The following ZNF556 variants were observed in gnomAD, a reference collection of about 807,000 sequenced individuals.
ZNF556 encodes the protein zinc finger protein 556.
ZNF556 carries 11 observed loss-of-function variants against 13.6 expected under a neutral mutation model. The ratio of observed to expected loss-of-function variants is 0.81; its 90% CI spans 0.51 to 1.33. The LOEUF is 1.33. ZNF556 is among the 40% of genes most tolerant of loss of function. ZNF556 has a pLI of 0.00. For synonymous variants in ZNF556, 229 were observed against 207.8 expected (o/e 1.10, Z -0.88); for missense variants, 633 against 566.2 (o/e 1.12, Z -1.20).
In ZNF556 at chr19:2,879,063, A is replaced by G. The variant is rs951118533; in HGVS notation, c.*734A>G. The G allele has an allele frequency of 2.9e-4, 44 of 152,264 alleles. No individual in the cohort carries two copies. The highest frequency in any genetic ancestry group is 1.1e-3 in the African/African-American group (44 of 41,550). 9.4% of individuals were successfully genotyped at this position (152,264 alleles called of 1,614,324 possible). On this transcript the variant is annotated 3_prime_UTR_variant, in exon 4 of 4. Transcript: ENST00000307635. ...TGGCCCTGTGTGTTCCAAGCTGGAT[A>G]TTACTACCATGTTACTTTTATTCCA...
chr19:2,867,712 CAAAAAACAAAACAA>C (rs2087767828), intron 1 of ZNF556, among the ~76,000 whole-genome samples: 1 of 85,554 alleles, frequency 1.2e-5, no homozygotes, highest in South Asian at 4.6e-4. Context: ...ACCCAAAGTA[CAAAAAACAAAACAA>C]AAAAAAAAAA....
At chr19:2,869,489 C>T (rs1343845394) in intron 1 of ZNF556, among the ~76,000 whole-genome samples, 1 of 152,164 alleles carries the variant, frequency 6.6e-6, no homozygotes, top group Non-Finnish European at 1.5e-5. Context: ...GCCTCAGCCT[C>T]CTGGGTAGCT....
rs753350725 is a variant in ZNF556 at position 2,878,359 on chromosome 19, A to T, written c.*30A>T. The T allele has an allele frequency of 6.3e-7, 1 of 1,596,796 alleles. No individual in the cohort carries two copies. Among genetic ancestry groups the T allele is most frequent in the South Asian group, 1.1e-5 (1 of 88,622 alleles). ...GGAAAACCTGTGCAAATTAATTCAC[A>T]TACATGGTTCAGAAAATTCACAGCA... On this transcript the variant is annotated 3_prime_UTR_variant, in exon 4 of 4. Coordinates refer to ENST00000307635, the MANE Select transcript of ZNF556 (RefSeq NM_024967.3).
intron 1 of ZNF556, among the ~76,000 whole-genome samples, chr19:2,867,655 G>A (rs944643115): frequency 6.9e-6 from 1 of 144,518 alleles, no homozygotes; most frequent in Non-Finnish European, 1.5e-5. Context: ...AGGCAGAAAT[G>A]ACTCCTGCCC....
Position 2,878,356 on chromosome 19 carries a change from C to A in ZNF556, c.*27C>A. ...GGGGGAAAACCTGTGCAAATTAATTCACATACATGGTTCAGAAAATTCACA... is the reference window on the plus strand; with the variant it reads ...GGGGGAAAACCTGTGCAAATTAATTAACATACATGGTTCAGAAAATTCACA... On this transcript the variant is annotated 3_prime_UTR_variant, in exon 4 of 4. Coordinates refer to ENST00000307635, the MANE Select transcript of ZNF556 (RefSeq NM_024967.3). 6.3e-7 allele frequency: 1 copy of A among 1,599,488 alleles called. No homozygotes were observed.
intron 2 of ZNF556, among the ~76,000 whole-genome samples, chr19:2,874,209 A>G (rs2087830230): frequency 6.6e-6 from 1 of 152,062 alleles, no homozygotes; most frequent in South Asian, 2.1e-4. Flanking sequence ...GTGAGCCAAG[A>G]TCATGCCACT....
intron 1 of ZNF556, among the ~76,000 whole-genome samples, chr19:2,868,160 C>G (rs2087773163): frequency 6.6e-6 from 1 of 150,752 alleles, no homozygotes; most frequent in Admixed American, 6.6e-5. Flanking sequence ...TTTCTCACAT[C>G]TGTTGTTTTA....
rs1238056406 is a variant in ZNF556, at chr19:2,867,712, C to A, written c.3+288C>A. ...TTGGAAGAAAAACTAACCCAAAGTA[C>A]AAAAAACAAAACAAAAAAAAAAAAA... On this transcript the variant is annotated intron_variant, in intron 1 of 3. Coordinates refer to ENST00000307635, the MANE Select transcript of ZNF556 (RefSeq NM_024967.3). Among the ~76,000 whole-genome samples, 10 of 85,558 alleles carry A rather than the reference C, an allele frequency of 1.2e-4. No homozygotes were observed. The highest frequency in any genetic ancestry group is 3.6e-4 in the Admixed American group (3 of 8,242). 56.1% of individuals were successfully genotyped at this position (85,558 alleles called of 152,430 possible). A position where few individuals can be genotyped will look rare whatever the true frequency, so the allele number is the denominator to read the frequency against.
intron 3 of ZNF556, among the ~76,000 whole-genome samples, chr19:2,876,522 C>T (rs2087854037): frequency 6.6e-6 from 1 of 152,058 alleles, no homozygotes; most frequent in Non-Finnish European, 1.5e-5. Flanking sequence ...GAGTTTGTGA[C>T]CAGCCTGACC....
rs1322050444 is a variant in ZNF556, at chr19:2,880,324, A to G, written c.*1995A>G. ...TGTTTTTAAAGAAGTTGGATTCTAT[A>G]CAAATGGATAAAATGTTTCTTAGAA... is the stretch of plus-strand genomic sequence containing the variant. On this transcript the variant is annotated 3_prime_UTR_variant, in exon 4 of 4. Transcript: ENST00000307635. The G allele has an allele frequency of 7.9e-5, 12 of 152,346 alleles. 2 individuals carry two copies. The South Asian group carries it at 2.1e-3, about 26-fold the overall frequency. The allele number at this position is 152,346 out of a possible 1,614,324, so 9.4% of individuals were successfully genotyped here. A position where few individuals can be genotyped will look rare whatever the true frequency, so the allele number is the denominator to read the frequency against.
intron 2 of ZNF556, chr19:2,874,995 TAGC>T (rs1411016313): frequency 6.3e-6 from 1 of 157,642 alleles, no homozygotes; most frequent in African/African-American, 2.4e-5. Flanking sequence ...CCAGTGGTCT[TAGC>T]AGGAAGATTG....
chr19:2,874,743 C>CAAAAA (rs1165214161), intron 2 of ZNF556, among the ~76,000 whole-genome samples: 12 of 65,472 alleles, frequency 1.8e-4, no homozygotes, highest in South Asian at 6.1e-4. Flanking sequence ...GACTCTGTCT[C>CAAAAA]AAAAAAAAAA....
At position 2,880,900 on chromosome 19, in the gene ZNF556, GCT is replaced by G. The variant is rs1280537211; in HGVS notation, c.*2574_*2575del. On this transcript the variant is annotated 3_prime_UTR_variant, in exon 4 of 4. Coordinates refer to ENST00000307635, the MANE Select transcript of ZNF556 (RefSeq NM_024967.3). ...TTTTTTTTTTTTGAGACAGATTCTC[GCT>G]CTGTTACCCAGGCTGGAGTGCAGTG... The G allele has an allele frequency of 7.5e-6, 1 of 133,648 alleles. No homozygotes were observed. Among genetic ancestry groups the G allele is most frequent in the Non-Finnish European group, 1.5e-5 (1 of 64,688 alleles). The allele number at this position is 133,648 out of a possible 1,614,324, so 8.3% of individuals were successfully genotyped here. A position where few individuals can be genotyped will look rare whatever the true frequency, so the allele number is the denominator to read the frequency against.
chr19:2,877,614 C>T lies in ZNF556; in HGVS notation c.656C>T (p.Thr219Ile). The T allele has an allele frequency of 6.2e-7, 1 of 1,614,212 alleles. No individual in the cohort carries two copies. The highest frequency in any genetic ancestry group is 8.5e-7 in the Non-Finnish European group (1 of 1,180,038). The change falls in exon 4 of 4, where the codon ACT (threonine) becomes ATT (isoleucine). Residue 219 changes from threonine to isoleucine, a missense_variant. By Grantham distance (89) the Thr-to-Ile change is moderately conservative. Transcript: ENST00000307635. ...GKTFLRSHSLTEHVRTHTGEK... is the reference protein window; with the variant it reads ...GKTFLRSHSLIEHVRTHTGEK... Reference sequence around the variant, plus strand: ...ACATTTCTTCGTTCCCACTCTCTCACTGAACATGTAAGGACTCACACTGGA... The same window carrying T: ...ACATTTCTTCGTTCCCACTCTCTCATTGAACATGTAAGGACTCACACTGGA...
intron 1 of ZNF556, among the ~76,000 whole-genome samples, chr19:2,867,734 A>C (rs1215329937): frequency 3.3e-5 from 5 of 150,830 alleles, no homozygotes; most frequent in African/African-American, 7.3e-5. Context: ...CAAAAAAAAA[A>C]AAAACCTCAC....
At chr19:2,868,273 C>T (rs550535) in intron 1 of ZNF556, among the ~76,000 whole-genome samples, 4 of 152,014 alleles carry the variant, frequency 2.6e-5, no homozygotes, top group South Asian at 4.1e-4. Flanking sequence ...TATTATGACA[C>T]GCCCCGAAAT....
chr19:2,877,831 G>C lies in ZNF556; in HGVS notation c.873G>C (p.Gln291His), dbSNP rs796602854. 1.2e-6 allele frequency: 2 copies of C among 1,614,082 alleles called. No individual in the cohort carries two copies. Among genetic ancestry groups the C allele is most frequent in the Non-Finnish European group, 1.7e-6 (2 of 1,180,030 alleles). The change falls in exon 4 of 4, where the codon CAG becomes CAC. Residue 291 changes from glutamine (Q) to histidine (H), a missense_variant. Coordinates refer to ENST00000307635, the MANE Select transcript of ZNF556 (RefSeq NM_024967.3). ...HAGGRPYECKQCGKAYCWATS... is the reference protein window; with the variant it reads ...HAGGRPYECKHCGKAYCWATS... ...GAGGGAGACCGTATGAGTGCAAGCA[G>C]TGTGGGAAAGCCTACTGCTGGGCAA... is the stretch of plus-strand genomic sequence containing the variant.
In ZNF556 at chr19:2,877,892, G is replaced by T; in HGVS notation, c.934G>T (p.Glu312Ter). 6.2e-7 allele frequency: 1 copy of T among 1,614,196 alleles called. No individual in the cohort carries two copies. The highest frequency in any genetic ancestry group is 1.3e-5 in the African/African-American group (1 of 75,050). The change falls in exon 4 of 4, where the codon GAG (glutamate) becomes TAG (stop). Residue 312 changes from glutamate to a stop codon, truncating the protein, a stop_gained. Transcript: ENST00000307635. LOFTEE classifies it low-confidence loss of function (END_TRUNC). ...FQRHVRIHNG[E>*]KPYKCGKCGK... Reference sequence around the variant, plus strand: ...ACGACACGTGAGAATTCACAACGGGGAGAAACCCTATAAGTGTGGAAAATG... The same window carrying T: ...ACGACACGTGAGAATTCACAACGGGTAGAAACCCTATAAGTGTGGAAAATG...
At position 2,873,545 on chromosome 19, in the gene ZNF556, G is replaced by A. The variant is rs1261978842; in HGVS notation, c.53G>A (p.Trp18Ter). The part of the protein sequence containing the change: ...DVVVDFTLEE[W>*]ALLNPAQRKL... ...GTTGTGGATTTCACGCTGGAGGAGTGGGCCTTGCTGAATCCTGCTCAGAGA... is the reference window on the plus strand; with the variant it reads ...GTTGTGGATTTCACGCTGGAGGAGTAGGCCTTGCTGAATCCTGCTCAGAGA... Residue 18 changes from tryptophan to a stop codon, truncating the protein, a stop_gained, in exon 2 of 4, where the codon TGG (tryptophan) becomes TAG (stop). Transcript: ENST00000307635. LOFTEE classifies it high-confidence loss of function. 3 of 1,613,994 alleles carry A rather than the reference G, an allele frequency of 1.9e-6. No individual in the cohort carries two copies. Among genetic ancestry groups the A allele is most frequent in the East Asian group, 4.5e-5 (2 of 44,900 alleles).
Sources: allele counts gnomAD v4.1 joint callset (sites outside exome capture counted in the v4.1 genomes callset), GRCh38; gene constraint gnomAD v4.1.1; transcripts MANE v1.5; gene names NCBI Gene and HGNC (gene_info 2026-07-23, HGNC 2026-07-21).